TMEM53: variants seen among roughly 807,000 people sequenced by gnomAD.
The protein encoded by TMEM53 is transmembrane protein 53.
TMEM53 carries 14 observed loss-of-function variants against 21.4 expected under a neutral mutation model. The ratio of observed to expected loss-of-function variants is 0.65; its 90% CI spans 0.43 to 1.02. The LOEUF (loss-of-function observed/expected upper bound fraction) is 1.02. Among genes scored for constraint, TMEM53 ranks in the 50% least tolerant of loss-of-function variants. The probability of loss-of-function intolerance (pLI) is 0.00; values close to 1 mark genes in which losing one functional copy is unlikely to be tolerated. For missense variants in TMEM53, 323 were observed against 383.6 expected (o/e 0.84, Z 1.32); for synonymous variants, 148 against 157.4 (o/e 0.94, Z 0.45).
At chr1:44,657,544 C>T (rs1001084314) in intron 2 of TMEM53, among the ~76,000 whole-genome samples, 3 of 151,986 alleles carry the variant, frequency 2.0e-5, no homozygotes, top group Non-Finnish European at 4.4e-5. Context: ...TTTTGTTTTG[C>T]TTGTTTTGTT....
chr1:44,657,363 G>A (rs1025965289), intron 2 of TMEM53, among the ~76,000 whole-genome samples: 1 of 152,178 alleles, frequency 6.6e-6, no homozygotes, highest in African/African-American at 2.4e-5. Flanking sequence ...GAAACTAAAT[G>A]AGATCAAACA....
intron 1 of TMEM53, among the ~76,000 whole-genome samples, chr1:44,670,751 C>A (rs1375002528): frequency 6.6e-6 from 1 of 152,246 alleles, no homozygotes; most frequent in Non-Finnish European, 1.5e-5. Context: ...CCCCTTAAGA[C>A]CTTCTGTTTA....
At chr1:44,663,087 C>T (rs1644915469) in intron 1 of TMEM53, among the ~76,000 whole-genome samples, 2 of 152,222 alleles carry the variant, frequency 1.3e-5, no homozygotes, top group African/African-American at 4.8e-5. Context: ...GGGTCTCGCT[C>T]TGTTGCCCAA....
At chr1:44,671,000 T>A (rs1644995459) in intron 1 of TMEM53, among the ~76,000 whole-genome samples, 2 of 152,172 alleles carry the variant, frequency 1.3e-5, no homozygotes, top group African/African-American at 4.8e-5. Flanking sequence ...GGGCCTACAG[T>A]GCTGCCAAGT....
At chr1:44,673,966 G>A (rs1367740381) in intron 1 of TMEM53, 1 of 985,478 alleles carries the variant, frequency 1.0e-6, no homozygotes, top group South Asian at 4.7e-5. Context: ...TGATAGGCTA[G>A]ATGTGGGAAG....
At chr1:44,663,651 C>T (rs1644921004) in intron 1 of TMEM53, among the ~76,000 whole-genome samples, 1 of 152,156 alleles carries the variant, frequency 6.6e-6, no homozygotes, top group South Asian at 2.1e-4. Flanking sequence ...GCCGTATCAC[C>T]CTCTCCCCTT....
At chr1:44,668,792 C>G (rs1006574867) in intron 1 of TMEM53, among the ~76,000 whole-genome samples, 6 of 152,222 alleles carry the variant, frequency 3.9e-5, no homozygotes, top group Admixed American at 6.5e-5. Context: ...ATCCACCCCC[C>G]TCGGCCTCCC....
In TMEM53 at chr1:44,660,324, C is replaced by T. The variant is rs564168267; in HGVS notation, c.62-29G>A. On this transcript the variant is annotated intron_variant, in intron 1 of 2. Coordinates refer to ENST00000372237, the MANE Select transcript of TMEM53 (RefSeq NM_024587.4). ...AAACACAGATGTGGACTGTCAACAC[C>T]AGAGCTGGGGTGGGGGCGGGGGTGA... 2.3e-4 allele frequency: 365 copies of T among 1,599,496 alleles called. 3 individuals carry two copies. The South Asian group carries it at 3.7e-3, about 16-fold the overall frequency.
In TMEM53 at chr1:44,654,589, G is replaced by T; in HGVS notation, c.804C>A (p.Val268=). ...DYPTYYTSLC[V]DFMRNCVRC Reference sequence around the variant, plus strand: ...AGCGGACGCAGTTGCGCATGAAGTCGACACAGAGGCTTGTGTAGTAAGTAG... The same window carrying T: ...AGCGGACGCAGTTGCGCATGAAGTCTACACAGAGGCTTGTGTAGTAAGTAG... Residue 268 remains valine, a synonymous_variant, in exon 3 of 3, where the codon GTC becomes GTA. Transcript: ENST00000372237. This position sits in a 1 kb window ranked among gnomAD's most constrained non-coding sequence, Gnocchi z 7.0. The T allele has an allele frequency of 6.2e-7, 1 of 1,608,320 alleles. No individual in the cohort carries two copies. Among genetic ancestry groups the T allele is most frequent in the Non-Finnish European group, 8.5e-7 (1 of 1,175,100 alleles).
At chr1:44,669,642 CT>C (rs1644981274) in intron 1 of TMEM53, among the ~76,000 whole-genome samples, 1 of 152,048 alleles carries the variant, frequency 6.6e-6, no homozygotes, top group Non-Finnish European at 1.5e-5. Flanking sequence ...AAAGGAGCTC[CT>C]GGTGGGCCTG....
At chr1:44,671,992 A>G (rs1051913344) in intron 1 of TMEM53, among the ~76,000 whole-genome samples, 3 of 152,242 alleles carry the variant, frequency 2.0e-5, no homozygotes, top group Non-Finnish European at 4.4e-5. Context: ...ACACTTCTCC[A>G]CCATTAAACA....
chr1:44,673,468 C>T (rs994017727), intron 1 of TMEM53, among the ~76,000 whole-genome samples: 1 of 152,216 alleles, frequency 6.6e-6, no homozygotes, highest in Non-Finnish European at 1.5e-5. Context: ...GATCATACTT[C>T]AAGGCCCTTC....
chr1:44,654,595 GAGGCTTGTGTAGTAAGT>G lies in TMEM53; in HGVS notation c.781_797del (p.Thr261LeufsTer27). 6.2e-7 allele frequency: 1 copy of G among 1,610,474 alleles called. No individual in the cohort carries two copies. Among genetic ancestry groups the G allele is most frequent in the South Asian group, 1.1e-5 (1 of 90,986 alleles). On this transcript the variant is annotated frameshift_variant, in exon 3 of 3. Transcript: ENST00000372237. LOFTEE classifies it high-confidence loss of function. This position sits in a 1 kb window ranked among gnomAD's most constrained non-coding sequence, Gnocchi z 7.0. ...CGCAGTTGCGCATGAAGTCGACACA[GAGGCTTGTGTAGTAAGT>G]AGGGTAGTCACGGAGGTGGCTGACG...
chr1:44,665,588 T>C lies in TMEM53; in HGVS notation c.62-5293A>G, dbSNP rs576791078. 4.7e-5 allele frequency among the ~76,000 whole-genome samples: 7 copies of C among 150,434 alleles called. 1 individual carries two copies. Among genetic ancestry groups the C allele is most frequent in the African/African-American group, 1.7e-4 (7 of 40,712 alleles). ...AGGCGGAGGTTGCAGTAAGCAGAGA[T>C]TGCACCATTGCACTCCAGCCAGGGC... is the stretch of plus-strand genomic sequence containing the variant. On this transcript the variant is annotated intron_variant, in intron 1 of 2. Coordinates refer to ENST00000372237, the MANE Select transcript of TMEM53 (RefSeq NM_024587.4).
At chr1:44,664,998 T>C (rs1447455020) in intron 1 of TMEM53, among the ~76,000 whole-genome samples, 2 of 152,052 alleles carry the variant, frequency 1.3e-5, no homozygotes, top group African/African-American at 4.8e-5. Context: ...TCCGTGTTCA[T>C]GCTTTGCTAA....
intron 1 of TMEM53, among the ~76,000 whole-genome samples, chr1:44,667,758 AAAC>A (rs1178858092): frequency 6.6e-6 from 1 of 152,134 alleles, no homozygotes; most frequent in Non-Finnish European, 1.5e-5. Context: ...ATATTATCTC[AAAC>A]AACAGGGGAG....
At chr1:44,656,698 G>C (rs1218493713) in intron 2 of TMEM53, among the ~76,000 whole-genome samples, 4 of 150,438 alleles carry the variant, frequency 2.7e-5, no homozygotes, top group Non-Finnish European at 5.9e-5. Context: ...GGACGACATA[G>C]GGAGACCCCA....
At chr1:44,659,527 C>G (rs893045629) in intron 2 of TMEM53, among the ~76,000 whole-genome samples, 10 of 152,214 alleles carry the variant, frequency 6.6e-5, no homozygotes, top group Non-Finnish European at 1.2e-4. Flanking sequence ...CCCTACTAGT[C>G]TGGGAATGTG....
intron 1 of TMEM53, chr1:44,674,101 A>T (rs1645052532): frequency 1.0e-6 from 1 of 985,278 alleles, no homozygotes; most frequent in Non-Finnish European, 1.2e-6. Flanking sequence ...GTCCCAAGCG[A>T]GCAGCTGACT....
Sources: allele counts gnomAD v4.1 joint callset (sites outside exome capture counted in the v4.1 genomes callset), GRCh38; gene constraint gnomAD v4.1.1; non-coding constraint Gnocchi (gnomAD v3.1); transcripts MANE v1.5; gene names NCBI Gene and HGNC (gene_info 2026-07-23, HGNC 2026-07-21).